The following CEP192 variants were observed in gnomAD, a reference collection of about 807,000 sequenced individuals.
CEP192 encodes centrosomal protein of 192 kDa.
A neutral mutation model predicts 271.8 loss-of-function variants in CEP192; 151 were observed. The observed-to-expected ratio is 0.56, with a 90% CI of 0.49 to 0.64. The LOEUF (loss-of-function observed/expected upper bound fraction) is 0.64. Ranked by LOEUF, CEP192 falls within the 30% of genes least tolerant of loss-of-function variation. The probability of loss-of-function intolerance (pLI) is 0.00; values close to 1 mark genes in which losing one functional copy is unlikely to be tolerated. For synonymous variants in CEP192, 995 were observed against 1,076.5 expected (o/e 0.92, Z 1.48); for missense variants, 2,910 against 3,020.5 (o/e 0.96, Z 0.86).
In CEP192 at chr18:13,038,589, G is replaced by A. The variant is rs2143749323; in HGVS notation, c.1809+10G>A. On this transcript the variant is annotated intron_variant, in intron 13 of 44. Coordinates refer to ENST00000506447, the MANE Select transcript of CEP192 (RefSeq NM_032142.4). ...TAACAATGTGAAAAGAGTAAGTATG[G>A]AATCTGTTGGAAGTGCTCACAGTCA... The A allele has an allele frequency of 6.5e-7, 1 of 1,543,616 alleles. No homozygotes were observed. The highest frequency in any genetic ancestry group is 1.4e-5 in the African/African-American group (1 of 72,986).
chr18:13,122,152 G>A (rs902264424), intron 44 of CEP192, among the ~76,000 whole-genome samples: 4 of 152,196 alleles, frequency 2.6e-5, no homozygotes, highest in Non-Finnish European at 5.9e-5. Flanking sequence ...GGCCAGGCGC[G>A]GTGGCTCATG....
chr18:13,051,390 C>T (rs552201388), intron 17 of CEP192, among the ~76,000 whole-genome samples: 24 of 151,962 alleles, frequency 1.6e-4, no homozygotes, highest in Admixed American at 1.0e-3. Flanking sequence ...TGCGTGTGTG[C>T]GGGAGTGCAT....
intron 24 of CEP192, 75 bp downstream of exon 24, chr18:13,068,497 T>A (rs2037834378): frequency 2.5e-6 from 3 of 1,212,350 alleles, no homozygotes; most frequent in African/African-American, 3.0e-5. Context: ...TGTATTTCCT[T>A]TGTCAATAAA....
chr18:13,097,110 G>T (rs2039436995), intron 36 of CEP192, among the ~76,000 whole-genome samples: 2 of 152,224 alleles, frequency 1.3e-5, no homozygotes, highest in Admixed American at 1.3e-4. Flanking sequence ...ACTCCAGAGA[G>T]CGTTGCTGGG....
intron 12 of CEP192, among the ~76,000 whole-genome samples, chr18:13,038,141 T>C (rs943269330): frequency 6.6e-6 from 1 of 152,198 alleles, no homozygotes; most frequent in African/African-American, 2.4e-5. Context: ...GAGCAACTCA[T>C]GATCGTGTGT....
Position 13,100,397 on chromosome 18 carries a change from A to G in CEP192, c.6756A>G (p.Val2252=), listed in dbSNP as rs1311825307. The G allele has an allele frequency of 6.2e-7, 1 of 1,614,026 alleles. No individual in the cohort carries two copies. Among genetic ancestry groups the G allele is most frequent in the Admixed American group, 1.7e-5 (1 of 60,032 alleles). Residue 2252 remains valine, a synonymous_variant, in exon 38 of 45, where the codon GTA becomes GTG. Coordinates refer to ENST00000506447, the MANE Select transcript of CEP192 (RefSeq NM_032142.4). ...TSKPFGILSP[V]SEPSVSHLVK... ...AACCATTTGGAATTCTTTCCCCAGT[A>G]TCTGAGCCTTCAGTTAGTCATTTGG...
chr18:13,062,648 G>A (rs2037471535), intron 21 of CEP192, among the ~76,000 whole-genome samples: 1 of 151,712 alleles, frequency 6.6e-6, no homozygotes, highest in Admixed American at 6.6e-5. Flanking sequence ...GGGTACATGA[G>A]ATGTTTTGTT....
intron 36 of CEP192, among the ~76,000 whole-genome samples, chr18:13,096,682 A>G (rs947116824): frequency 6.6e-6 from 1 of 151,998 alleles, no homozygotes; most frequent in Non-Finnish European, 1.5e-5. Context: ...GAGCCCAAAC[A>G]CTTCTGCCAT....
At position 13,071,828 on chromosome 18, in the gene CEP192, A is replaced by G. The variant is rs139014577; in HGVS notation, c.5348+616A>G. On this transcript the variant is annotated intron_variant, in intron 28 of 44. Coordinates refer to ENST00000506447, the MANE Select transcript of CEP192 (RefSeq NM_032142.4). ...GGCAGAAACAGTTACACTTCACTCA[A>G]GCAATAACTGGCTTGTTCTTGACTT... Among the ~76,000 whole-genome samples, 819 of 152,304 alleles carry G rather than the reference A, an allele frequency of 5.4e-3. 9 individuals carry two copies. The highest frequency in any genetic ancestry group is 0.018 in the African/African-American group (742 of 41,568).
rs1019806181 is a variant in CEP192, at chr18:13,030,605, G to C, written c.1531G>C (p.Gly511Arg). 1 of 1,601,724 alleles carries C rather than the reference G, an allele frequency of 6.2e-7. No individual in the cohort carries two copies. The highest frequency in any genetic ancestry group is 1.3e-5 in the African/African-American group (1 of 74,618). The change falls in exon 11 of 45, where the codon GGT (glycine) becomes CGT (arginine). Residue 511 changes from glycine to arginine, a missense_variant. Gly to Arg is a moderately radical substitution (Grantham distance 125, BLOSUM62 -2). Transcript: ENST00000506447. Reference protein sequence around the residue: ...SDEMNEDFRSGSEAFDLIAQD... With the variant: ...SDEMNEDFRSRSEAFDLIAQD... ...TGAGATGAATGAAGACTTCAGATCTGGTTGTAAGTATATGGATAAACATTT... is the reference window on the plus strand; with the variant it reads ...TGAGATGAATGAAGACTTCAGATCTCGTTGTAAGTATATGGATAAACATTT...
At chr18:13,104,013 T>C (rs1245175825) in intron 39 of CEP192, 1 of 365,136 alleles carries the variant, frequency 2.7e-6, no homozygotes, top group Non-Finnish European at 5.5e-6. Flanking sequence ...GTTCCACCAA[T>C]TCATTTAGTT....
At chr18:13,084,497 G>A (rs770753510) in intron 30 of CEP192, among the ~76,000 whole-genome samples, 11 of 152,162 alleles carry the variant, frequency 7.2e-5, no homozygotes, top group Non-Finnish European at 1.3e-4. Context: ...GTATTTGGGC[G>A]GGATTGTCCC....
Position 13,015,349 on chromosome 18 carries a change from A to G in CEP192, c.541A>G (p.Lys181Glu). 2 of 1,550,466 alleles carry G rather than the reference A, an allele frequency of 1.3e-6. No homozygotes were observed. The highest frequency in any genetic ancestry group is 1.2e-5 in the South Asian group (1 of 83,902). Residue 181 changes from lysine (K) to glutamate (E), a missense_variant, in exon 6 of 45, where the codon AAA becomes GAA. By Grantham distance (56) the Lys-to-Glu change is moderately conservative. Transcript: ENST00000506447. ...EPKIVVLDAG[K>E]HFEDKTLKSD... ...ATAGATTGTTGTGCTTGATGCTGGAAAACATTTTGAAGACAAGACTCTAAA... is the reference window on the plus strand; with the variant it reads ...ATAGATTGTTGTGCTTGATGCTGGAGAACATTTTGAAGACAAGACTCTAAA...
intron 30 of CEP192, among the ~76,000 whole-genome samples, chr18:13,076,251 T>C (rs11664958): frequency 0.14 from 21,798 of 152,254 alleles, 1,707 homozygotes; most frequent in East Asian, 0.31. Flanking sequence ...TTTTTTGAGA[T>C]GGAGTCTTGC....
In CEP192 at chr18:13,089,468, TA is replaced by T; in HGVS notation, c.6009del (p.Lys2003AsnfsTer4). ...TCTCTCCTGGCAGGGCCCTGTTACA[TA>T]AACCAGAGATGATAAAACAGATACT... ...RQQYRRALLH[K>X]PEMIKQILPE... On this transcript the variant is annotated frameshift_variant, in exon 33 of 45. Coordinates refer to ENST00000506447, the MANE Select transcript of CEP192 (RefSeq NM_032142.4). LOFTEE classifies it high-confidence loss of function. 1 of 1,573,438 alleles carries T rather than the reference TA, an allele frequency of 6.4e-7. No individual in the cohort carries two copies. Among genetic ancestry groups the T allele is most frequent in the East Asian group, 2.3e-5 (1 of 44,384 alleles).
At chr18:13,108,654 G>T (rs775739099) in intron 40 of CEP192, among the ~76,000 whole-genome samples, 2 of 152,106 alleles carry the variant, frequency 1.3e-5, no homozygotes, top group Admixed American at 1.3e-4. Context: ...AGCAGCCTGG[G>T]CAACATGGCG....
intron 21 of CEP192, among the ~76,000 whole-genome samples, chr18:13,065,462 C>T (rs546434359): frequency 3.3e-5 from 5 of 152,242 alleles, no homozygotes; most frequent in Admixed American, 6.5e-5. Flanking sequence ...ATACATATTT[C>T]TATTTCATGA....
At chr18:13,012,924 G>T in intron 4 of CEP192, 49 bp from the exon 5 acceptor site, 1 of 1,032,518 alleles carries the variant, frequency 9.7e-7, no homozygotes, top group Non-Finnish European at 1.4e-6. Flanking sequence ...TGGGTATTTG[G>T]TTGATAAAAT....
chr18:13,038,665 G>C, intron 13 of CEP192, 86 bp downstream of exon 13: 1 of 1,009,296 alleles, frequency 9.9e-7, no homozygotes, highest in South Asian at 1.4e-5. Context: ...TTAAAATGGA[G>C]ATAGAATAGG....
Sources: allele counts gnomAD v4.1 joint callset (sites outside exome capture counted in the v4.1 genomes callset), GRCh38; gene constraint gnomAD v4.1.1; transcripts MANE v1.5; gene names NCBI Gene and HGNC (gene_info 2026-07-23, HGNC 2026-07-21).